The following CREB3L1 variants were observed in gnomAD, a reference collection of about 807,000 sequenced individuals.
CREB3L1 encodes cyclic AMP-responsive element-binding protein 3-like protein 1.
Under a neutral mutation model 54.5 loss-of-function variants are expected in CREB3L1, and 33 were observed. That is an observed-to-expected ratio of 0.61 (90% confidence interval 0.46 to 0.81). CREB3L1 has a LOEUF of 0.81. Among genes scored for constraint, CREB3L1 ranks in the 30% least tolerant of loss-of-function variants. The pLI is 0.00. For synonymous variants in CREB3L1, 284 were observed against 286.4 expected (o/e 0.99, Z 0.08); for missense variants, 656 against 673.3 (o/e 0.97, Z 0.29).
At chr11:46,317,128 A>G (rs551171752) in intron 9 of CREB3L1, among the ~76,000 whole-genome samples, 1 of 152,270 alleles carries the variant, frequency 6.6e-6, no homozygotes, top group South Asian at 2.1e-4. Context: ...TACTTCTAGC[A>G]CTGCCTGTGG....
intron 5 of CREB3L1, among the ~76,000 whole-genome samples, chr11:46,311,511 T>G (rs943720034): frequency 7.2e-6 from 1 of 138,744 alleles, no homozygotes. Context: ...TTTTTGTTTG[T>G]TTTTTTTTTT....
intron 8 of CREB3L1, 132 bp from the exon 9 acceptor site, chr11:46,316,154 C>T: frequency 1.6e-6 from 1 of 621,400 alleles, no homozygotes; most frequent in South Asian, 2.0e-5. Flanking sequence ...CAGGAGGTGA[C>T]CTTTCCTATC....
At chr11:46,293,513 G>A (rs931574007) in intron 1 of CREB3L1, among the ~76,000 whole-genome samples, 1 of 152,244 alleles carries the variant, frequency 6.6e-6, no homozygotes, top group African/African-American at 2.4e-5. Flanking sequence ...CTAGGGGGCT[G>A]CAGAGAATAC....
At position 46,311,076 on chromosome 11, in the gene CREB3L1, A is replaced by T; in HGVS notation, c.640A>T (p.Ser214Cys). 6.2e-7 allele frequency: 1 copy of T among 1,609,916 alleles called. No homozygotes were observed. The change falls in exon 5 of 12, where the codon AGT becomes TGT. Residue 214 changes from serine to cysteine, a missense_variant. Ser to Cys is a moderately radical substitution (Grantham distance 112, BLOSUM62 -1). This residue lies in a region of CREB3L1 where 339 missense variants were observed against 331.5 expected (regional missense o/e 1.02). Transcript: ENST00000621158. ...MPPTPPSSHG[S>C]DSDGSQSPRS... ...TCCGACGCCCCCCAGCAGCCATGGC[A>T]GTGACAGCGACGGCTCCCAGAGTCC...
Position 46,312,471 on chromosome 11 carries a change from C to T in CREB3L1, c.900C>T (p.Asn300=). The T allele has an allele frequency of 6.2e-7, 1 of 1,613,236 alleles. No homozygotes were observed. The highest frequency in any genetic ancestry group is 8.5e-7 in the Non-Finnish European group (1 of 1,179,508). ...AGAGAGTCCGGAGGAAAATCAAGAACAAGGTAAAGCCTGCCACCCTGGGGC... is the reference window on the plus strand; with the variant it reads ...AGAGAGTCCGGAGGAAAATCAAGAATAAGGTAAAGCCTGCCACCCTGGGGC... The part of the protein sequence containing the change: ...ALKRVRRKIK[N]KISAQESRRK... The change falls in exon 6 of 12, where the codon AAC becomes AAT. Residue 300 remains asparagine (N), a synonymous_variant. Coordinates refer to ENST00000621158, the MANE Select transcript of CREB3L1 (RefSeq NM_052854.4).
intron 1 of CREB3L1, among the ~76,000 whole-genome samples, chr11:46,287,307 A>AT (rs911374648): frequency 8.6e-5 from 13 of 151,424 alleles, no homozygotes; most frequent in East Asian, 3.9e-4. Flanking sequence ...TGGTTTTTAA[A>AT]TTTTTTTTTG....
intron 2 of CREB3L1, among the ~76,000 whole-genome samples, chr11:46,302,460 C>G (rs192926827): frequency 6.6e-6 from 1 of 152,162 alleles, no homozygotes; most frequent in Non-Finnish European, 1.5e-5. Flanking sequence ...GGCATTTCCT[C>G]AAATACAGGT....
At chr11:46,296,009 C>A (rs887641020) in intron 1 of CREB3L1, among the ~76,000 whole-genome samples, 2 of 152,230 alleles carry the variant, frequency 1.3e-5, no homozygotes, top group African/African-American at 4.8e-5. Context: ...ATATGTCCTT[C>A]TCCGGCTTCC....
intron 1 of CREB3L1, among the ~76,000 whole-genome samples, chr11:46,286,129 G>A (rs11824743): frequency 0.012 from 1,881 of 152,278 alleles, 49 homozygotes; most frequent in African/African-American, 0.043. Flanking sequence ...AATTATTTGC[G>A]GCTATTCCCT....
In CREB3L1 at chr11:46,307,902, C is replaced by T. The variant is rs756246596; in HGVS notation, c.418C>T (p.Pro140Ser). The T allele has an allele frequency of 6.3e-6, 10 of 1,580,078 alleles. No individual in the cohort carries two copies. In the South Asian group the frequency reaches 8.1e-5, roughly 13 times the overall value. Residue 140 changes from proline to serine, a missense_variant, in exon 3 of 12, where the codon CCT becomes TCT. Transcript: ENST00000621158. Reference protein sequence around the residue: ...QEQSPELPVDPLAAPSAMAAA... With the variant: ...QEQSPELPVDSLAAPSAMAAA... Reference sequence around the variant, plus strand: ...GCAGAGCCCGGAGCTGCCCGTGGACCCTCTGGCTGCCCCCTCGGCCATGGC... The same window carrying T: ...GCAGAGCCCGGAGCTGCCCGTGGACTCTCTGGCTGCCCCCTCGGCCATGGC...
At position 46,320,370 on chromosome 11, in the gene CREB3L1, C is replaced by CG. The variant is rs767903107; in HGVS notation, c.1371dup (p.Pro458AlafsTer13). ...CCCCAGATGGCTGGGAAATCAACCC[C>CG]GGGGGGCCGGCAGAGCAGCGGCCCC... On this transcript the variant is annotated frameshift_variant, in exon 11 of 12. Transcript: ENST00000621158. LOFTEE classifies it high-confidence loss of function. 6.2e-7 allele frequency: 1 copy of CG among 1,610,438 alleles called. No homozygotes were observed. Among genetic ancestry groups the CG allele is most frequent in the Non-Finnish European group, 8.5e-7 (1 of 1,178,410 alleles).
rs1938914174 is a variant in CREB3L1 at position 46,278,470 on chromosome 11, T to A, written c.102+257T>A. Among the ~76,000 whole-genome samples the A allele has an allele frequency of 6.6e-6, 1 of 152,168 alleles. No individual in the cohort carries two copies. Among genetic ancestry groups the A allele is most frequent in the Non-Finnish European group, 1.5e-5 (1 of 68,020 alleles). ...GTCCGTCCGATCCTCGGATCTGAGC[T>A]CAAGAGACACCAATCCCGCCCTCCA... On this transcript the variant is annotated intron_variant, in intron 1 of 11. Coordinates refer to ENST00000621158, the MANE Select transcript of CREB3L1 (RefSeq NM_052854.4). This position sits in a 1 kb window ranked among gnomAD's most constrained non-coding sequence, Gnocchi z 4.2.
chr11:46,286,922 C>T (rs1939063099), intron 1 of CREB3L1, among the ~76,000 whole-genome samples: 1 of 152,250 alleles, frequency 6.6e-6, no homozygotes, highest in Non-Finnish European at 1.5e-5. Context: ...GCTGTAGACC[C>T]TGAATCCACC....
intron 1 of CREB3L1, among the ~76,000 whole-genome samples, chr11:46,282,187 C>G (rs1371115300): frequency 6.6e-6 from 1 of 152,098 alleles, no homozygotes. Context: ...CCAAACCAGA[C>G]CCCACATTCT....
intron 1 of CREB3L1, among the ~76,000 whole-genome samples, 171 bp from the exon 2 acceptor site, chr11:46,299,764 G>C (rs1939266619): frequency 6.6e-6 from 1 of 152,104 alleles, no homozygotes; most frequent in African/African-American, 2.4e-5. Flanking sequence ...TTGCAATGTT[G>C]GTACTGGGGA....
chr11:46,316,743 G>C (rs1939572811), intron 9 of CREB3L1, among the ~76,000 whole-genome samples: 1 of 152,184 alleles, frequency 6.6e-6, no homozygotes. Flanking sequence ...GTTCTTTCTG[G>C]AACAGATGGC....
intron 1 of CREB3L1, among the ~76,000 whole-genome samples, chr11:46,282,258 C>T (rs1226314073): frequency 6.6e-6 from 1 of 152,146 alleles, no homozygotes; most frequent in Admixed American, 6.5e-5. Context: ...GTCCTGCAGA[C>T]CCTGCACTGT....
intron 8 of CREB3L1, among the ~76,000 whole-genome samples, chr11:46,313,908 C>A (rs540199589): frequency 6.6e-6 from 1 of 152,218 alleles, no homozygotes; most frequent in South Asian, 2.1e-4. Flanking sequence ...ATCTCTGGGC[C>A]CCTGTTTCTT....
chr11:46,280,620 T>C (rs1938955426), intron 1 of CREB3L1, among the ~76,000 whole-genome samples: 1 of 152,348 alleles, frequency 6.6e-6, no homozygotes, highest in African/African-American at 2.4e-5. Context: ...GCCTGGCATG[T>C]AACGTTCATC....
Sources: allele counts gnomAD v4.1 joint callset (sites outside exome capture counted in the v4.1 genomes callset), GRCh38; gene constraint gnomAD v4.1.1; regional missense constraint gnomAD v4.1.1; non-coding constraint Gnocchi (gnomAD v3.1); transcripts MANE v1.5; gene names NCBI Gene and HGNC (gene_info 2026-07-23, HGNC 2026-07-21).